DCC: variants seen among roughly 807,000 people sequenced by gnomAD.
DCC encodes DCC netrin 1 receptor, also known as netrin receptor DCC.
DCC carries 58 observed loss-of-function variants against 172.5 expected under a neutral mutation model. The ratio of observed to expected loss-of-function variants is 0.34; its 90% CI spans 0.27 to 0.42. The LOEUF is 0.42. Among genes scored for constraint, DCC ranks in the 10% least tolerant of loss-of-function variants. The pLI, the probability that DCC is intolerant of heterozygous loss-of-function variation, is 1.00. For synonymous variants in DCC, 709 were observed against 644.5 expected (o/e 1.10, Z -1.52); for missense variants, 1,740 against 1,791.0 (o/e 0.97, Z 0.51).
intron 12 of DCC, among the ~76,000 whole-genome samples, chr18:53,253,270 T>C (rs2144662536): frequency 6.6e-6 from 1 of 152,122 alleles, no homozygotes; most frequent in East Asian, 1.9e-4. Flanking sequence ...ATGGTGAATA[T>C]TTATTAAAAG....
At chr18:53,374,382 AT>A (rs2058088777) in intron 15 of DCC, among the ~76,000 whole-genome samples, 1 of 152,192 alleles carries the variant, frequency 6.6e-6, no homozygotes. Context: ...CAGTGCACAA[AT>A]AGATGACATC....
intron 1 of DCC, among the ~76,000 whole-genome samples, chr18:52,506,368 G>T (rs1251237797): frequency 2.6e-5 from 4 of 152,022 alleles, no homozygotes; most frequent in Non-Finnish European, 5.9e-5. Context: ...GTTGACCTGT[G>T]AAAACCCATA....
intron 8 of DCC, among the ~76,000 whole-genome samples, chr18:53,175,630 G>C (rs1421696690): frequency 7.3e-5 from 11 of 151,522 alleles, no homozygotes; most frequent in Non-Finnish European, 1.5e-4. Context: ...GGGATGTGAA[G>C]GACCTCTTCA....
At chr18:53,090,698 CAA>C (rs59898050) in intron 7 of DCC, among the ~76,000 whole-genome samples, 44 of 39,344 alleles carry the variant, frequency 1.1e-3, no homozygotes, top group East Asian at 2.7e-3. Flanking sequence ...CGTCCCCCAA[CAA>C]AAAAAAAAAA....
At chr18:52,905,049 C>T (rs955185207) in intron 2 of DCC, among the ~76,000 whole-genome samples, 7 of 152,104 alleles carry the variant, frequency 4.6e-5, no homozygotes, top group African/African-American at 1.7e-4. Context: ...GGTGAAAACA[C>T]CTACCCCTCT....
chr18:53,486,218 T>C (rs1258172602), intron 25 of DCC, among the ~76,000 whole-genome samples: 1 of 152,194 alleles, frequency 6.6e-6, no homozygotes, highest in Non-Finnish European at 1.5e-5. Flanking sequence ...CTGAAAAACA[T>C]TCAGTTACAC....
chr18:52,843,728 A>G (rs1214767999), intron 2 of DCC, among the ~76,000 whole-genome samples: 1 of 151,894 alleles, frequency 6.6e-6, no homozygotes, highest in Non-Finnish European at 1.5e-5. Context: ...CCCACTAACA[A>G]TTAAACACAT....
intron 1 of DCC, among the ~76,000 whole-genome samples, chr18:52,625,654 C>A (rs926848402): frequency 7.9e-5 from 12 of 152,302 alleles, no homozygotes; most frequent in African/African-American, 2.9e-4. Context: ...CCACCACAGA[C>A]ATCTCCTTAA....
At chr18:52,609,799 A>C (rs1006211190) in intron 1 of DCC, among the ~76,000 whole-genome samples, 101 of 152,102 alleles carry the variant, frequency 6.6e-4, no homozygotes, top group African/African-American at 2.4e-3. Context: ...ATGCTAGAAG[A>C]TATAGATGAC....
intron 1 of DCC, among the ~76,000 whole-genome samples, chr18:52,402,085 T>C (rs1442147868): frequency 6.6e-6 from 1 of 152,002 alleles, no homozygotes; most frequent in African/African-American, 2.4e-5. Flanking sequence ...GCATGTACAA[T>C]TCAGTGCCCA....
intron 7 of DCC, among the ~76,000 whole-genome samples, chr18:53,136,041 T>C (rs1156531407): frequency 1.3e-5 from 2 of 152,012 alleles, no homozygotes; most frequent in Non-Finnish European, 2.9e-5. Flanking sequence ...ATTATAACCA[T>C]ATTTTCAATT....
At chr18:52,925,488 C>G (rs2040187374) in intron 5 of DCC, 118 bp downstream of exon 5, 1 of 976,884 alleles carries the variant, frequency 1.0e-6, no homozygotes, top group Non-Finnish European at 1.6e-6. Context: ...TGCAAAGTCC[C>G]AATACTCCAC....
chr18:52,631,262 A>G (rs1027466738), intron 1 of DCC, among the ~76,000 whole-genome samples: 23 of 152,240 alleles, frequency 1.5e-4, no homozygotes, highest in African/African-American at 5.3e-4. Flanking sequence ...CCATGCCAAC[A>G]TGATAGCCGC....
intron 12 of DCC, chr18:53,237,024 C>A (rs970890115): frequency 6.6e-6 from 1 of 151,538 alleles, no homozygotes. Flanking sequence ...TAATATGGTT[C>A]TTTTTTTTCC....
chr18:53,374,344 C>T (rs917879894), intron 15 of DCC, among the ~76,000 whole-genome samples: 4 of 152,048 alleles, frequency 2.6e-5, no homozygotes, highest in African/African-American at 9.7e-5. Flanking sequence ...GGGACTTAGC[C>T]TCTGAATAAT....
chr18:52,675,226 T>C (rs893947175), intron 1 of DCC, among the ~76,000 whole-genome samples: 1 of 152,092 alleles, frequency 6.6e-6, no homozygotes, highest in Admixed American at 6.5e-5. Flanking sequence ...ACCTGGCTAA[T>C]TTTTGTATTT....
chr18:52,832,762 C>A (rs1158273118), intron 2 of DCC, among the ~76,000 whole-genome samples: 2 of 152,078 alleles, frequency 1.3e-5, no homozygotes, highest in East Asian at 3.9e-4. Context: ...ATTGACTTTG[C>A]AAACAGAATG....
At chr18:52,783,321 CTCTTTTTTTTTTTTT>C (rs1197191132) in intron 2 of DCC, among the ~76,000 whole-genome samples, 2 of 62,122 alleles carry the variant, frequency 3.2e-5, no homozygotes, top group East Asian at 4.3e-4. Flanking sequence ...TATACTACTA[CTCTTTTTTTTTTTTT>C]TTTTTTTTTT....
chr18:53,418,886 T>A (rs1910470253), intron 21 of DCC, among the ~76,000 whole-genome samples: 1 of 152,212 alleles, frequency 6.6e-6, no homozygotes, highest in Admixed American at 6.5e-5. Context: ...TATGTAATTG[T>A]AAATTGATGA....
Sources: allele counts gnomAD v4.1 joint callset (sites outside exome capture counted in the v4.1 genomes callset), GRCh38; gene constraint gnomAD v4.1.1; transcripts MANE v1.5; gene names NCBI Gene and HGNC (gene_info 2026-07-23, HGNC 2026-07-21).